OPCML: variants seen among roughly 807,000 people sequenced by gnomAD.
OPCML encodes opioid binding protein/cell adhesion molecule like, also known as opioid-binding protein/cell adhesion molecule.
In OPCML, 13 loss-of-function variants were observed where a neutral mutation model predicts 37.8. The observed-to-expected ratio is 0.34, with a 90% CI of 0.22 to 0.55. The LOEUF (loss-of-function observed/expected upper bound fraction) is 0.55. Ranked by LOEUF, OPCML falls within the 20% of genes least tolerant of loss-of-function variation. OPCML has a pLI of 0.91. For synonymous variants in OPCML, 176 were observed against 168.8 expected (o/e 1.04, Z -0.33); for missense variants, 341 against 435.6 (o/e 0.78, Z 1.93).
chr11:133,082,941 G>C (rs1270447590), intron 1 of OPCML, among the ~76,000 whole-genome samples: 2 of 150,618 alleles, frequency 1.3e-5, no homozygotes, highest in Non-Finnish European at 3.0e-5. Flanking sequence ...GGCGGACGTC[G>C]CGCCAGTGCC....
chr11:133,466,060 T>C (rs7932757), intron 1 of OPCML, among the ~76,000 whole-genome samples: 20,123 of 152,226 alleles, frequency 0.13, 3,174 homozygotes, highest in African/African-American at 0.37. Flanking sequence ...CATAACATTA[T>C]ATATTTGGCT....
At chr11:133,347,263 A>C (rs1944024999) in intron 1 of OPCML, among the ~76,000 whole-genome samples, 1 of 152,168 alleles carries the variant, frequency 6.6e-6, no homozygotes, top group East Asian at 1.9e-4. Context: ...TGTCTTCATG[A>C]TGACTCTCCC....
intron 3 of OPCML, among the ~76,000 whole-genome samples, chr11:132,617,463 A>G (rs561183724): frequency 7.2e-5 from 11 of 152,310 alleles, no homozygotes; most frequent in Admixed American, 7.2e-4. Flanking sequence ...AACCTGGCCT[A>G]TGTCTAGTGT....
chr11:133,202,005 G>T (rs552009179), intron 1 of OPCML, among the ~76,000 whole-genome samples: 12 of 151,756 alleles, frequency 7.9e-5, no homozygotes, highest in African/African-American at 2.9e-4. Flanking sequence ...AAGCCTTAAT[G>T]GAGCTTATAT....
At chr11:132,508,231 G>A (rs1335953271) in intron 4 of OPCML, among the ~76,000 whole-genome samples, 1 of 152,018 alleles carries the variant, frequency 6.6e-6, no homozygotes, top group African/African-American at 2.4e-5. Flanking sequence ...ATTTTATGAG[G>A]CCAGAATTAC....
chr11:132,724,410 T>C (rs1293805088), intron 2 of OPCML, among the ~76,000 whole-genome samples: 1 of 152,270 alleles, frequency 6.6e-6, no homozygotes, highest in African/African-American at 2.4e-5. Flanking sequence ...GTGAGACTTA[T>C]TCACAATCAC....
intron 1 of OPCML, among the ~76,000 whole-genome samples, chr11:133,468,502 G>A (rs1947026502): frequency 6.6e-6 from 1 of 152,236 alleles, no homozygotes; most frequent in African/African-American, 2.4e-5. Flanking sequence ...ATTTAGCCAA[G>A]GGTAGCATTG....
chr11:132,657,389 T>C (rs1385128333), intron 2 of OPCML, 70 bp from the exon 3 acceptor site: 5 of 1,548,418 alleles, frequency 3.2e-6, no homozygotes, highest in Non-Finnish European at 3.5e-6. Flanking sequence ...TTATATAATA[T>C]GGTAAATAAG....
chr11:132,932,501 C>T (rs1037115898), intron 2 of OPCML, among the ~76,000 whole-genome samples: 1 of 151,810 alleles, frequency 6.6e-6, no homozygotes, highest in Non-Finnish European at 1.5e-5. Flanking sequence ...CTCTCTCTTC[C>T]TCCATCCCCC....
intron 1 of OPCML, among the ~76,000 whole-genome samples, chr11:133,477,469 C>T (rs565320975): frequency 3.9e-5 from 6 of 152,342 alleles, no homozygotes; most frequent in African/African-American, 1.2e-4. Context: ...GGAAAATGCA[C>T]ATCACAGCCA....
chr11:132,818,664 AGAT>A lies in OPCML; in HGVS notation c.146+124259_146+124261del, dbSNP rs1415798270. 2.1e-5 allele frequency among the ~76,000 whole-genome samples: 3 copies of A among 145,810 alleles called. No individual in the cohort carries two copies. The East Asian group carries it at 6.0e-4, about 29-fold the overall frequency. On this transcript the variant is annotated intron_variant, in intron 2 of 7. Transcript: ENST00000524381. ...TATGAGTGTATATATATATATAGACAGATTATATTATATATAAAATCATATTGT... is the reference window on the plus strand; with the variant it reads ...TATGAGTGTATATATATATATAGACATATATTATATATAAAATCATATTGT...
At chr11:133,246,569 G>C (rs533022840) in intron 1 of OPCML, among the ~76,000 whole-genome samples, 1 of 152,314 alleles carries the variant, frequency 6.6e-6, no homozygotes, top group African/African-American at 2.4e-5. Flanking sequence ...CACTGTGTCA[G>C]GGCCCATAAG....
chr11:133,009,450 T>G (rs538856168), intron 1 of OPCML, among the ~76,000 whole-genome samples: 1 of 152,338 alleles, frequency 6.6e-6, no homozygotes, highest in Admixed American at 6.5e-5. Context: ...TTGATCGACC[T>G]AACTTAGGAG....
intron 1 of OPCML, among the ~76,000 whole-genome samples, chr11:133,478,291 C>A (rs968607812): frequency 6.6e-6 from 1 of 152,170 alleles, no homozygotes; most frequent in Non-Finnish European, 1.5e-5. Flanking sequence ...TTCTCCCCTG[C>A]CTCTCCCTCC....
chr11:132,824,342 A>G (rs1940171514), intron 2 of OPCML, among the ~76,000 whole-genome samples: 1 of 151,976 alleles, frequency 6.6e-6, no homozygotes, highest in African/African-American at 2.4e-5. Context: ...TTCTCTGCTC[A>G]TTGCAGCTCC....
At chr11:133,508,881 A>G (rs548081358) in intron 1 of OPCML, among the ~76,000 whole-genome samples, 2 of 152,216 alleles carry the variant, frequency 1.3e-5, no homozygotes, top group East Asian at 3.9e-4. Flanking sequence ...CCTTCCAGAC[A>G]AGAGGACGGG....
At chr11:133,532,183 C>T in intron 1 of OPCML, 81 bp downstream of exon 1, 2 of 1,561,280 alleles carry the variant, frequency 1.3e-6, no homozygotes, top group South Asian at 2.4e-5. Context: ...CTCCTTGCCT[C>T]TCCATCTCCC....
intron 2 of OPCML, among the ~76,000 whole-genome samples, chr11:132,821,151 T>C (rs549815640): frequency 4.3e-4 from 65 of 152,344 alleles, no homozygotes; most frequent in South Asian, 1.0e-3. Flanking sequence ...GAGATTCATA[T>C]GCATCTCCAG....
intron 1 of OPCML, among the ~76,000 whole-genome samples, chr11:133,131,704 C>T (rs1949606937): frequency 6.6e-6 from 1 of 152,160 alleles, no homozygotes; most frequent in African/African-American, 2.4e-5. Context: ...CACATAAAAA[C>T]CTGCCCATGA....
Sources: gnomAD v4.1 joint callset for allele counts (sites outside exome capture counted in the v4.1 genomes callset) on GRCh38, gnomAD v4.1.1 for gene constraint, MANE v1.5 for transcripts, NCBI Gene and HGNC (gene_info 2026-07-23, HGNC 2026-07-21) for gene names.